The following CCDC198 variants were observed in gnomAD, a reference collection of about 807,000 sequenced individuals.
CCDC198 encodes coiled-coil domain containing 198.
CCDC198 carries 18 observed loss-of-function variants against 35.6 expected under a neutral mutation model. That is an observed-to-expected ratio of 0.51 (90% CI 0.35 to 0.75). The LOEUF (loss-of-function observed/expected upper bound fraction) is 0.75, where lower values mean the gene tolerates loss of function less well. CCDC198 is among the 30% of genes least tolerant of loss of function. The probability of loss-of-function intolerance (pLI) is 0.01; values close to 1 mark genes in which losing one functional copy is unlikely to be tolerated. For missense variants in CCDC198, 365 were observed against 343.7 expected (o/e 1.06, Z -0.49); for synonymous variants, 119 against 113.4 (o/e 1.05, Z -0.31).
chr14:57,480,187 A>G (rs2067136277), intron 5 of CCDC198: 1 of 737,080 alleles, frequency 1.4e-6, no homozygotes, highest in African/African-American at 1.9e-5. Context: ...AAAAGGGTGC[A>G]GTCAGGAAGA....
chr14:57,478,380 T>G, intron 5 of CCDC198: 1 of 828,862 alleles, frequency 1.2e-6, no homozygotes, highest in Non-Finnish European at 1.5e-6. Context: ...GCTCCTACCT[T>G]CTAGGTTGTG....
At chr14:57,476,373 T>G (rs1215038959) in intron 5 of CCDC198, among the ~76,000 whole-genome samples, 1 of 152,180 alleles carries the variant, frequency 6.6e-6, no homozygotes, top group Non-Finnish European at 1.5e-5. Context: ...GAGCTTCCAT[T>G]TAGTAGATGC....
chr14:57,481,521 T>C, intron 4 of CCDC198, 38 bp downstream of exon 4: 1 of 1,411,938 alleles, frequency 7.1e-7, no homozygotes, highest in Non-Finnish European at 1.0e-6. Flanking sequence ...GATTATGTGA[T>C]GAAAATTTGG....
intron 5 of CCDC198, chr14:57,475,707 T>TAAA (rs35649947): frequency 1.4e-4 from 51 of 361,568 alleles, no homozygotes; most frequent in Non-Finnish European, 1.9e-4. Flanking sequence ...AACTCTGTCT[T>TAAA]AAAAAAAAAA....
intron 2 of CCDC198, among the ~76,000 whole-genome samples, chr14:57,484,111 T>C (rs2067276837): frequency 6.6e-6 from 1 of 152,074 alleles, no homozygotes; most frequent in Non-Finnish European, 1.5e-5. Context: ...AAAAACAGGG[T>C]GTGTTAGGGG....
intron 5 of CCDC198, chr14:57,478,663 T>G: frequency 1.0e-6 from 1 of 994,268 alleles, no homozygotes; most frequent in Non-Finnish European, 1.2e-6. Flanking sequence ...TTTTCTTGGT[T>G]GTTTTGTGTA....
chr14:57,480,576 A>C lies in CCDC198; in HGVS notation c.655+19T>G. On this transcript the variant is annotated intron_variant, in intron 5 of 5. Coordinates refer to ENST00000216445, the MANE Select transcript of CCDC198 (RefSeq NM_018168.4). Reference sequence around the variant, plus strand: ...AAAAACACTTGAAATGTTTTACTAAAAAATTGTACATGACTCACCGGGACC... The same window carrying C: ...AAAAACACTTGAAATGTTTTACTAACAAATTGTACATGACTCACCGGGACC... 6.2e-7 allele frequency: 1 copy of C among 1,607,628 alleles called. No individual in the cohort carries two copies. The highest frequency in any genetic ancestry group is 1.3e-5 in the African/African-American group (1 of 74,580).
rs2066788506 is a variant in CCDC198, at chr14:57,469,992, A to G, written c.*1363T>C. 2.0e-5 allele frequency: 3 copies of G among 152,218 alleles called. No homozygotes were observed. Among genetic ancestry groups the G allele is most frequent in the Admixed American group, 2.0e-4 (3 of 15,286 alleles). The allele number at this position is 152,218 out of a possible 1,614,324, so 9.4% of individuals were successfully genotyped here. On this transcript the variant is annotated 3_prime_UTR_variant, in exon 6 of 6. Coordinates refer to ENST00000216445, the MANE Select transcript of CCDC198 (RefSeq NM_018168.4). ...AAATTATTTTTAGATTATGCTAAAC[A>G]TGGAGCTGCATTTTACACAAAAGTT...
At chr14:57,489,906 A>C (rs759336953) in intron 2 of CCDC198, among the ~76,000 whole-genome samples, 2 of 152,118 alleles carry the variant, frequency 1.3e-5, no homozygotes, top group Non-Finnish European at 2.9e-5. Flanking sequence ...GTTTACCTAG[A>C]GGATTTGTAA....
At chr14:57,491,571 C>T (rs956506129) in intron 1 of CCDC198, among the ~76,000 whole-genome samples, 2 of 151,984 alleles carry the variant, frequency 1.3e-5, no homozygotes, top group South Asian at 4.1e-4. Context: ...AATTCAATAG[C>T]CCCTTTAGTG....
At chr14:57,490,943 A>C in intron 2 of CCDC198, 46 bp downstream of exon 2, 1 of 1,450,030 alleles carries the variant, frequency 6.9e-7, no homozygotes, top group Non-Finnish European at 9.7e-7. Flanking sequence ...GGATGTTACC[A>C]TTTTATCCAA....
chr14:57,486,834 C>A (rs2067378050), intron 2 of CCDC198, among the ~76,000 whole-genome samples: 1 of 152,136 alleles, frequency 6.6e-6, no homozygotes, highest in South Asian at 2.1e-4. Context: ...TATTTAAACA[C>A]ACAATTCTAA....
chr14:57,469,557 A>G lies in CCDC198; in HGVS notation c.*1798T>C, dbSNP rs1263309193. On this transcript the variant is annotated 3_prime_UTR_variant, in exon 6 of 6. Coordinates refer to ENST00000216445, the MANE Select transcript of CCDC198 (RefSeq NM_018168.4). ...TTTTAAGCCTTCCAAATTGACCACA[A>G]TAAGTGAGGACACCATGAATAGGTT... is the stretch of plus-strand genomic sequence containing the variant. 1.3e-5 allele frequency: 2 copies of G among 152,350 alleles called. No homozygotes were observed. The highest frequency in any genetic ancestry group is 1.3e-4 in the Admixed American group (2 of 15,308). 9.4% of individuals were successfully genotyped at this position (152,350 alleles called of 1,614,324 possible).
chr14:57,488,543 G>A (rs1439072457), intron 2 of CCDC198, among the ~76,000 whole-genome samples: 1 of 152,008 alleles, frequency 6.6e-6, no homozygotes, highest in South Asian at 2.1e-4. Context: ...CTCATATTAA[G>A]TATTAATGGC....
chr14:57,487,135 C>T (rs751418571), intron 2 of CCDC198, among the ~76,000 whole-genome samples: 1 of 152,158 alleles, frequency 6.6e-6, no homozygotes, highest in Non-Finnish European at 1.5e-5. Flanking sequence ...AGTGAGATGC[C>T]TCACTTCATC....
At chr14:57,482,943 TTGATTTGTCTTTGAACTCCTCCATGC>T (rs2139515720) in intron 3 of CCDC198, 96 bp downstream of exon 3, 2 of 1,352,088 alleles carry the variant, frequency 1.5e-6, no homozygotes, top group Admixed American at 4.1e-5. Context: ...ACTTAACAGT[TTGATTTGTCTTTGAACTCCTCCATGC>T]AGAGAGTGCA....
chr14:57,486,693 T>C (rs916192219), intron 2 of CCDC198, among the ~76,000 whole-genome samples: 2 of 152,222 alleles, frequency 1.3e-5, no homozygotes, highest in Admixed American at 6.5e-5. Flanking sequence ...TTTTGAAAAA[T>C]TGAGTCTGAA....
chr14:57,475,298 A>AAAT (rs746771576), intron 5 of CCDC198: 1 of 788,370 alleles, frequency 1.3e-6, no homozygotes, highest in Non-Finnish European at 1.5e-6. Context: ...ATAAATAAAT[A>AAAT]AAATCTATAA....
At chr14:57,485,965 C>T (rs2067344953) in intron 2 of CCDC198, among the ~76,000 whole-genome samples, 1 of 152,066 alleles carries the variant, frequency 6.6e-6, no homozygotes, top group African/African-American at 2.4e-5. Flanking sequence ...CTTAACTCTG[C>T]AGGACATGAA....
Sources: allele counts gnomAD v4.1 joint callset (sites outside exome capture counted in the v4.1 genomes callset), GRCh38; gene constraint gnomAD v4.1.1; transcripts MANE v1.5; gene names NCBI Gene and HGNC (gene_info 2026-07-23, HGNC 2026-07-21).